MGAT4C: variants seen among roughly 807,000 people sequenced by gnomAD.
The protein encoded by MGAT4C is alpha-1,3-mannosyl-glycoprotein 4-beta-N-acetylglucosaminyltransferase C.
A neutral mutation model predicts 40.1 loss-of-function variants in MGAT4C; 19 were observed. The ratio of observed to expected loss-of-function variants is 0.47; its 90% CI spans 0.33 to 0.70. The LOEUF (loss-of-function observed/expected upper bound fraction) is 0.70, where lower values mean the gene tolerates loss of function less well. Among genes scored for constraint, MGAT4C ranks in the 30% least tolerant of loss-of-function variants. The probability of loss-of-function intolerance (pLI) is 0.02; values close to 1 mark genes in which losing one functional copy is unlikely to be tolerated. For missense variants in MGAT4C, 491 were observed against 563.2 expected (o/e 0.87, Z 1.30); for synonymous variants, 181 against 187.1 (o/e 0.97, Z 0.27).
At chr12:86,277,098 T>C (rs1592634984) in intron 4 of MGAT4C, among the ~76,000 whole-genome samples, 1 of 152,192 alleles carries the variant, frequency 6.6e-6, no homozygotes, top group South Asian at 2.1e-4. Flanking sequence ...GCATTTCTGG[T>C]TGCCTGTGTT....
At position 85,979,051 on chromosome 12, in the gene MGAT4C, T is replaced by A. The variant is rs1302711306; in HGVS notation, c.*238A>T. Reference sequence around the variant, plus strand: ...TTGAAATTTTAAAACTAAGAACATTTAAAAATATAAATGAAAGTAGCATTA... The same window carrying A: ...TTGAAATTTTAAAACTAAGAACATTAAAAAATATAAATGAAAGTAGCATTA... On this transcript the variant is annotated 3_prime_UTR_variant, in exon 5 of 5. Coordinates refer to ENST00000611864, the MANE Select transcript of MGAT4C (RefSeq NM_001351288.2). The A allele has an allele frequency of 1.0e-5, 3 of 300,232 alleles. No homozygotes were observed. The highest frequency in any genetic ancestry group is 1.8e-5 in the Non-Finnish European group (3 of 163,082). The allele number at this position is 300,232 out of a possible 1,614,324, so 18.6% of individuals were successfully genotyped here. A position where few individuals can be genotyped will look rare whatever the true frequency, so the allele number is the denominator to read the frequency against.
chr12:86,560,745 A>G lies in MGAT4C; in HGVS notation c.-228-125480T>C, dbSNP rs369712648. ...AACTGGAACAAGAAAAGAAATCCCA[A>G]TTTCACCAGTTGTATTAAACATATT... is the stretch of plus-strand genomic sequence containing the variant. On this transcript the variant is annotated intron_variant, in intron 2 of 7. Transcript: ENST00000548651. Among the ~76,000 whole-genome samples the G allele has an allele frequency of 4.6e-5, 7 of 152,168 alleles. No homozygotes were observed. In the South Asian group the frequency reaches 1.2e-3, roughly 27 times the overall value.
At chr12:86,229,876 T>C (rs1195008091) in intron 1 of MGAT4C, among the ~76,000 whole-genome samples, 1 of 152,036 alleles carries the variant, frequency 6.6e-6, no homozygotes. Context: ...TATGGATATG[T>C]AGATGTCCTT....
intron 3 of MGAT4C, among the ~76,000 whole-genome samples, chr12:86,424,422 C>G (rs1439990590): frequency 2.0e-5 from 3 of 152,018 alleles, no homozygotes; most frequent in Non-Finnish European, 4.4e-5. Flanking sequence ...AATTTCTTAC[C>G]TTTCTTTTGA....
chr12:86,357,648 C>G (rs1955347459), intron 3 of MGAT4C, among the ~76,000 whole-genome samples: 1 of 152,044 alleles, frequency 6.6e-6, no homozygotes, highest in Non-Finnish European at 1.5e-5. Context: ...CCTGATGGAG[C>G]TGAAAACCAT....
At chr12:86,620,116 T>C (rs776026970) in intron 2 of MGAT4C, among the ~76,000 whole-genome samples, 43 of 152,300 alleles carry the variant, frequency 2.8e-4, no homozygotes, top group Non-Finnish European at 4.9e-4. Context: ...TTAGTGAGAA[T>C]GTAAATTACT....
intron 2 of MGAT4C, among the ~76,000 whole-genome samples, chr12:86,497,893 A>AATATATATATAT (rs71078904): frequency 4.6e-4 from 61 of 133,884 alleles, no homozygotes; most frequent in East Asian, 1.1e-3. Flanking sequence ...GAAATTCCTA[A>AATATATATATAT]ATATATATAT....
chr12:86,465,177 C>CA (rs1592880251), intron 2 of MGAT4C, among the ~76,000 whole-genome samples: 1 of 151,834 alleles, frequency 6.6e-6, no homozygotes, highest in South Asian at 2.1e-4. Context: ...ACATTACATT[C>CA]AAAAAAATGA....
intron 2 of MGAT4C, among the ~76,000 whole-genome samples, chr12:86,694,573 T>C (rs559280716): frequency 6.6e-6 from 1 of 152,294 alleles, no homozygotes; most frequent in East Asian, 1.9e-4. Context: ...ATGAGATATA[T>C]CTTTCAGAAT....
intron 2 of MGAT4C, among the ~76,000 whole-genome samples, chr12:86,590,131 A>C (rs1236746794): frequency 1.3e-5 from 2 of 150,536 alleles, no homozygotes; most frequent in Non-Finnish European, 3.0e-5. Context: ...AACAGTAAAA[A>C]CAGAATACAT....
intron 2 of MGAT4C, among the ~76,000 whole-genome samples, chr12:86,521,836 T>C (rs571474988): frequency 1.3e-5 from 2 of 152,228 alleles, no homozygotes; most frequent in South Asian, 4.2e-4. Context: ...GTTAGCTGTA[T>C]TCCCAGTCAT....
At chr12:86,046,223 C>G (rs1006098250) in intron 2 of MGAT4C, among the ~76,000 whole-genome samples, 1 of 152,146 alleles carries the variant, frequency 6.6e-6, no homozygotes, top group East Asian at 1.9e-4. Context: ...GACTTTGTAA[C>G]CTCTCCCATC....
intron 2 of MGAT4C, among the ~76,000 whole-genome samples, chr12:86,702,009 A>G (rs903981887): frequency 1.1e-4 from 16 of 152,252 alleles, no homozygotes; most frequent in African/African-American, 3.8e-4. Flanking sequence ...ATTGATGAAG[A>G]TAGCTACACT....
intron 2 of MGAT4C, among the ~76,000 whole-genome samples, chr12:86,600,710 G>A (rs756704839): frequency 6.6e-6 from 1 of 152,212 alleles, no homozygotes; most frequent in Non-Finnish European, 1.5e-5. Flanking sequence ...CGCACTCTGC[G>A]GAGCCAGTGG....
At chr12:86,537,122 CA>C (rs397959992) in intron 2 of MGAT4C, among the ~76,000 whole-genome samples, 1 of 150,886 alleles carries the variant, frequency 6.6e-6, no homozygotes, top group African/African-American at 2.4e-5. Flanking sequence ...ATCGCAAGGA[CA>C]AAAAACCAAA....
intron 2 of MGAT4C, among the ~76,000 whole-genome samples, chr12:86,475,097 G>A (rs186938541): frequency 6.6e-6 from 1 of 152,146 alleles, no homozygotes; most frequent in East Asian, 1.9e-4. Context: ...ACTAAAGTCA[G>A]AATGCTCTTT....
chr12:86,801,150 G>A (rs1952218130), intron 1 of MGAT4C, among the ~76,000 whole-genome samples: 1 of 151,830 alleles, frequency 6.6e-6, no homozygotes, highest in African/African-American at 2.4e-5. Flanking sequence ...AATTAGGGAG[G>A]ACATTGTTTA....
chr12:86,709,969 CTA>C (rs1445367861), intron 2 of MGAT4C, among the ~76,000 whole-genome samples: 9 of 152,082 alleles, frequency 5.9e-5, no homozygotes, highest in Non-Finnish European at 8.8e-5. Context: ...TCAGAGACAA[CTA>C]AGAGTTATTA....
At chr12:86,623,266 C>T (rs1456430678) in intron 2 of MGAT4C, among the ~76,000 whole-genome samples, 1 of 152,032 alleles carries the variant, frequency 6.6e-6, no homozygotes, top group African/African-American at 2.4e-5. Context: ...GTAATCTAAG[C>T]CAGAGTTTCT....
Sources: gnomAD v4.1 joint callset for allele counts (sites outside exome capture counted in the v4.1 genomes callset) on GRCh38, gnomAD v4.1.1 for gene constraint, MANE v1.5 for transcripts, NCBI Gene and HGNC (gene_info 2026-07-23, HGNC 2026-07-21) for gene names.